Variants in NEK6 observed in about 807,000 individuals in gnomAD.
NEK6 encodes NIMA related kinase 6.
In NEK6, 27 loss-of-function variants were observed where a neutral mutation model predicts 43.5. The ratio of observed to expected loss-of-function variants is 0.62; its 90% CI spans 0.46 to 0.86. The LOEUF is 0.86. Among genes scored for constraint, NEK6 ranks in the 40% least tolerant of loss-of-function variants. NEK6 has a pLI of 0.00. For synonymous variants in NEK6, 167 were observed against 164.1 expected (o/e 1.02, Z -0.14); for missense variants, 318 against 414.4 (o/e 0.77, Z 2.02).
intron 8 of NEK6, among the ~76,000 whole-genome samples, chr9:124,342,976 C>G (rs891379101): frequency 6.6e-6 from 1 of 152,170 alleles, no homozygotes; most frequent in Non-Finnish European, 1.5e-5. Context: ...TTCCCAGCCC[C>G]GTTCCCTGCC....
In NEK6 at chr9:124,303,012, C is replaced by A. The variant is rs141858993; in HGVS notation, c.90+958C>A. Among the ~76,000 whole-genome samples, 593 of 152,324 alleles carry A rather than the reference C, an allele frequency of 3.9e-3. 5 individuals carry two copies. The highest frequency in any genetic ancestry group is 0.014 in the African/African-American group (563 of 41,566). On this transcript the variant is annotated intron_variant, in intron 2 of 9. Coordinates refer to ENST00000320246, the MANE Select transcript of NEK6 (RefSeq NM_014397.6). Reference sequence around the variant, plus strand: ...AGGTCTGCTCTTACGGAGCACACAGCCTCATGGGAGAGAAAGATAAGGAGC... The same window carrying A: ...AGGTCTGCTCTTACGGAGCACACAGACTCATGGGAGAGAAAGATAAGGAGC...
In NEK6 at chr9:124,352,505, A is replaced by T. The variant is rs554677511; in HGVS notation, c.*1558A>T. 6.6e-6 allele frequency: 1 copy of T among 152,304 alleles called. No homozygotes were observed. The highest frequency in any genetic ancestry group is 1.9e-4 in the East Asian group (1 of 5,184). The allele number at this position is 152,304 out of a possible 1,614,324, so 9.4% of individuals were successfully genotyped here. A position where few individuals can be genotyped will look rare whatever the true frequency, so the allele number is the denominator to read the frequency against. On this transcript the variant is annotated 3_prime_UTR_variant, in exon 10 of 10. Transcript: ENST00000320246. Reference sequence around the variant, plus strand: ...AAACTTAAACAGCGTCTGCAGCACAATTTCTTGAGGAACCTTGAAAAACAC... The same window carrying T: ...AAACTTAAACAGCGTCTGCAGCACATTTTCTTGAGGAACCTTGAAAAACAC...
At chr9:124,298,071 C>T (rs1163124513) in intron 1 of NEK6, among the ~76,000 whole-genome samples, 1 of 152,224 alleles carries the variant, frequency 6.6e-6, no homozygotes, top group Non-Finnish European at 1.5e-5. Flanking sequence ...CCTTTCTCTG[C>T]AGCTTATCAG....
rs1830306194 is a variant in NEK6 at position 124,352,131 on chromosome 9, A to AAAGTT, written c.*1187_*1191dup. The AAAGTT allele has an allele frequency of 6.6e-6, 1 of 152,658 alleles. No homozygotes were observed. The highest frequency in any genetic ancestry group is 6.5e-5 in the Admixed American group (1 of 15,288). 9.5% of individuals were successfully genotyped at this position (152,658 alleles called of 1,614,324 possible). The stretch of plus-strand genomic sequence containing the variant: ...TCATTTGAATTTTGTTTTTGTACGT[A>AAAGTT]AAGTTAACCTTCCAATTGTCTGAGC... On this transcript the variant is annotated 3_prime_UTR_variant, in exon 10 of 10. Coordinates refer to ENST00000320246, the MANE Select transcript of NEK6 (RefSeq NM_014397.6).
intron 2 of NEK6, 59 bp from the exon 3 acceptor site, chr9:124,312,450 G>A (rs905538342): frequency 6.7e-5 from 105 of 1,557,676 alleles, no homozygotes; most frequent in South Asian, 1.2e-4. Flanking sequence ...TCTAGGGGTC[G>A]TCCCCAGGCC....
intron 9 of NEK6, among the ~76,000 whole-genome samples, chr9:124,349,477 C>T (rs1200269591): frequency 6.6e-6 from 1 of 152,192 alleles, no homozygotes; most frequent in Non-Finnish European, 1.5e-5. Context: ...GCCACGAGCC[C>T]CCACTCCCCG....
chr9:124,332,480 C>T (rs1180339020), intron 7 of NEK6, among the ~76,000 whole-genome samples: 1 of 152,192 alleles, frequency 6.6e-6, no homozygotes, highest in Non-Finnish European at 1.5e-5. Context: ...CATGTCACTG[C>T]TGTCCCCACC....
chr9:124,308,245 A>C (rs1390235784), intron 2 of NEK6, among the ~76,000 whole-genome samples: 1 of 152,208 alleles, frequency 6.6e-6, no homozygotes, highest in Non-Finnish European at 1.5e-5. Flanking sequence ...CATCAGAGCC[A>C]GAGCAGTGGT....
intron 1 of NEK6, chr9:124,261,701 T>C (rs1346279704): frequency 8.0e-6 from 5 of 624,416 alleles, no homozygotes; most frequent in Non-Finnish European, 1.0e-5. Flanking sequence ...TGTGAGGACC[T>C]GTGTGGTTTG....
intron 1 of NEK6, among the ~76,000 whole-genome samples, chr9:124,282,275 C>T (rs961265764): frequency 2.0e-5 from 3 of 152,158 alleles, no homozygotes; most frequent in East Asian, 1.9e-4. Flanking sequence ...TTCCGTGTTC[C>T]GTGGCTCGTC....
intron 1 of NEK6, among the ~76,000 whole-genome samples, chr9:124,260,174 C>A (rs1239958192): frequency 6.6e-6 from 1 of 152,104 alleles, no homozygotes; most frequent in East Asian, 1.9e-4. Context: ...AGCCTCACAG[C>A]CTTTCCTCTT....
At chr9:124,348,077 T>C (rs1362084595) in intron 9 of NEK6, among the ~76,000 whole-genome samples, 1 of 152,350 alleles carries the variant, frequency 6.6e-6, no homozygotes, top group African/African-American at 2.4e-5. Context: ...CATCTCCACC[T>C]GTTCAGCTCC....
chr9:124,314,134 G>C (rs1316867046), intron 4 of NEK6, 149 bp downstream of exon 4: 1 of 719,710 alleles, frequency 1.4e-6, no homozygotes, highest in Non-Finnish European at 2.3e-6. Context: ...AGGGGCAGCG[G>C]CTAGTGAGTT....
chr9:124,348,400 T>C (rs1489040455), intron 9 of NEK6, among the ~76,000 whole-genome samples: 1 of 152,136 alleles, frequency 6.6e-6, no homozygotes, highest in African/African-American at 2.4e-5. Flanking sequence ...GAATATCTTA[T>C]TCCTCGGCTC....
intron 2 of NEK6, among the ~76,000 whole-genome samples, chr9:124,308,295 G>A (rs914351292): frequency 1.3e-5 from 2 of 152,138 alleles, no homozygotes; most frequent in African/African-American, 4.8e-5. Flanking sequence ...GGGGTTGGGG[G>A]TGTTATTTTC....
intron 1 of NEK6, among the ~76,000 whole-genome samples, chr9:124,270,327 C>T (rs1831390144): frequency 1.3e-5 from 2 of 152,136 alleles, no homozygotes; most frequent in African/African-American, 2.4e-5. Context: ...GCTGAGTGTC[C>T]AAGAAGCCTC....
chr9:124,278,258 C>T (rs537869645), intron 1 of NEK6, among the ~76,000 whole-genome samples: 45 of 152,296 alleles, frequency 3.0e-4, no homozygotes, highest in Admixed American at 5.2e-4. Flanking sequence ...AACTCCAAGA[C>T]GTTCACACAG....
chr9:124,340,576 AC>A (rs971212814), intron 8 of NEK6, among the ~76,000 whole-genome samples: 3 of 152,096 alleles, frequency 2.0e-5, no homozygotes, highest in East Asian at 1.9e-4. Context: ...GGCTCTGGAA[AC>A]CCCCCCAGGC....
intron 8 of NEK6, among the ~76,000 whole-genome samples, chr9:124,342,160 G>A (rs1332521355): frequency 2.6e-5 from 4 of 152,252 alleles, no homozygotes; most frequent in South Asian, 2.1e-4. Flanking sequence ...GGGCTCCAGC[G>A]TCACCGCCCT....
Sources: gnomAD v4.1 joint callset for allele counts (sites outside exome capture counted in the v4.1 genomes callset) on GRCh38, gnomAD v4.1.1 for gene constraint, MANE v1.5 for transcripts, NCBI Gene and HGNC (gene_info 2026-07-23, HGNC 2026-07-21) for gene names.